The following TMCO5A variants were observed in gnomAD, a reference collection of about 807,000 sequenced individuals.
The protein encoded by TMCO5A is transmembrane and coiled-coil domain-containing protein 5A.
In TMCO5A, 34 loss-of-function variants were observed where a neutral mutation model predicts 42.3. The ratio of observed to expected loss-of-function variants is 0.80; its 90% CI spans 0.61 to 1.07. TMCO5A has a LOEUF of 1.07. TMCO5A is among the 50% of genes least tolerant of loss of function. The pLI, the probability that TMCO5A is intolerant of heterozygous loss-of-function variation, is 0.00. For missense variants in TMCO5A, 357 were observed against 327.9 expected (o/e 1.09, Z -0.69); for synonymous variants, 131 against 115.6 (o/e 1.13, Z -0.86).
the TMCO5A span, among the ~76,000 whole-genome samples, chr15:38,001,918 T>G: frequency 6.6e-6 from 1 of 152,154 alleles, no homozygotes; most frequent in East Asian, 1.9e-4. Flanking sequence ...TAGGTTCATC[T>G]TTTAGTCTTT....
chr15:37,962,373 T>C (rs1282268860), intron 11 of TMCO5A, among the ~76,000 whole-genome samples: 2 of 152,184 alleles, frequency 1.3e-5, no homozygotes, highest in African/African-American at 4.8e-5. Context: ...CATCTCTGCA[T>C]CCCTGGTATG....
At chr15:37,954,095 AAG>A (rs924079903), downstream of TMCO5A, among the ~76,000 whole-genome samples, 53 of 152,256 alleles carry the variant, frequency 3.5e-4, no homozygotes, top group Admixed American at 1.8e-3. Flanking sequence ...GAAAAAATCT[AAG>A]AGTTACTGGC....
chr15:37,971,607 T>C (rs774304811), downstream of TMCO5A, among the ~76,000 whole-genome samples: 19 of 152,356 alleles, frequency 1.2e-4, no homozygotes, highest in Non-Finnish European at 2.5e-4. Flanking sequence ...TCCAAACTTT[T>C]ATGCTGTTTC....
chr15:37,937,371 A>T lies in TMCO5A; in HGVS notation c.290A>T (p.His97Leu). ...GAAAGGAAGAATAAGACGTTGGTCC[A>T]CAGTATAACAGAACTTCAACAAAAG... ...RLERKNKTLV[H>L]SITELQQKLT... The change falls in exon 5 of 12, where the codon CAC (histidine) becomes CTC (leucine). Residue 97 changes from histidine to leucine, a missense_variant. Coordinates refer to ENST00000319669, the MANE Select transcript of TMCO5A (RefSeq NM_152453.4). 1 of 1,613,176 alleles carries T rather than the reference A, an allele frequency of 6.2e-7. No individual in the cohort carries two copies. Among genetic ancestry groups the T allele is most frequent in the Non-Finnish European group, 8.5e-7 (1 of 1,179,386 alleles).
In TMCO5A at chr15:37,958,983, G is replaced by A. The variant is rs146116334; in HGVS notation, c.669-7642G>A. Among the ~76,000 whole-genome samples, 75 of 152,098 alleles carry A rather than the reference G, an allele frequency of 4.9e-4. 1 individual carries two copies. Among genetic ancestry groups the A allele is most frequent in the South Asian group, 4.1e-4 (2 of 4,820 alleles). On this transcript the variant is annotated intron_variant, in intron 11 of 11. Transcript: ENST00000559502. ...TGTACTTTGCAGGGCCATGGATGAA[G>A]CTGGAAACCATCATTCTCAGCAAAC...
At chr15:37,994,916 C>G in the TMCO5A span, among the ~76,000 whole-genome samples, 1 of 152,154 alleles carries the variant, frequency 6.6e-6, no homozygotes, top group Non-Finnish European at 1.5e-5. Context: ...GTCAGCACCT[C>G]TTGATTTGGT....
At chr15:37,966,565 T>C in intron 11 of TMCO5A, 1 of 702,830 alleles carries the variant, frequency 1.4e-6, no homozygotes, top group Non-Finnish European at 2.6e-6. Flanking sequence ...TAGGCAAGGC[T>C]ACAGCAAGAA....
the TMCO5A span, among the ~76,000 whole-genome samples, chr15:37,978,367 C>G: frequency 1.2e-4 from 19 of 152,188 alleles, no homozygotes; most frequent in Non-Finnish European, 1.2e-4. Context: ...ACTCAGAGCT[C>G]GGTCCTAGGG....
chr15:37,944,760 T>G (rs1320310913), intron 10 of TMCO5A, among the ~76,000 whole-genome samples: 1 of 152,064 alleles, frequency 6.6e-6, no homozygotes, highest in African/African-American at 2.4e-5. Context: ...TCATAATTCC[T>G]CTTTTTATCT....
intron 2 of TMCO5A, among the ~76,000 whole-genome samples, chr15:37,935,566 A>G (rs907954581): frequency 1.3e-5 from 2 of 152,156 alleles, no homozygotes; most frequent in African/African-American, 4.8e-5. Flanking sequence ...TCACTGTGCT[A>G]ATAGTGGTTA....
Position 37,951,221 on chromosome 15 carries a change from T to A in TMCO5A, c.854T>A (p.Met285Lys). The change falls in exon 12 of 12, where the codon ATG becomes AAG. Residue 285 changes from methionine to lysine, a missense_variant. Met to Lys is a moderately conservative substitution (Grantham distance 95, BLOSUM62 -1). Coordinates refer to ENST00000319669, the MANE Select transcript of TMCO5A (RefSeq NM_152453.4). Reference protein sequence around the residue: ...FPSLTLETEDMLPH With the variant: ...FPSLTLETEDKLPH ...TCTCTCACACTTGAGACAGAGGACA[T>A]GTTACCCCACTGATTCCCTAAGAAA... 1 of 1,613,630 alleles carries A rather than the reference T, an allele frequency of 6.2e-7. No homozygotes were observed. Among genetic ancestry groups the A allele is most frequent in the Non-Finnish European group, 8.5e-7 (1 of 1,179,762 alleles).
chr15:37,944,629 C>A (rs73388242), intron 10 of TMCO5A, among the ~76,000 whole-genome samples: 1,793 of 152,116 alleles, frequency 0.012, 39 homozygotes, highest in African/African-American at 0.04. Context: ...AAGATGAAGT[C>A]TCACTATGTT....
chr15:37,990,486 A>G, the TMCO5A span, among the ~76,000 whole-genome samples: 1 of 152,026 alleles, frequency 6.6e-6, no homozygotes, highest in East Asian at 1.9e-4. Flanking sequence ...TTTACTGTTA[A>G]CCTATTCATA....
At chr15:37,949,098 T>A (rs981851477) in intron 11 of TMCO5A, among the ~76,000 whole-genome samples, 1 of 151,870 alleles carries the variant, frequency 6.6e-6, no homozygotes, top group Non-Finnish European at 1.5e-5. Context: ...GGTTTCCTCA[T>A]GCAATTCATA....
the TMCO5A span, among the ~76,000 whole-genome samples, chr15:38,006,845 T>G: frequency 6.6e-6 from 1 of 151,104 alleles, no homozygotes; most frequent in Non-Finnish European, 1.5e-5. Flanking sequence ...ATATTTATAT[T>G]ATTTTAATAT....
chr15:37,978,446 G>A, the TMCO5A span, among the ~76,000 whole-genome samples: 2 of 152,176 alleles, frequency 1.3e-5, no homozygotes, highest in African/African-American at 4.8e-5. Context: ...GCCCTCAGCC[G>A]AGGACCCTGC....
At chr15:37,947,355 G>A (rs1280870899) in intron 10 of TMCO5A, among the ~76,000 whole-genome samples, 1 of 152,066 alleles carries the variant, frequency 6.6e-6, no homozygotes, top group Non-Finnish European at 1.5e-5. Context: ...AGAATGTGGA[G>A]TCAGAGTATC....
At chr15:38,022,549 T>G in the TMCO5A span, among the ~76,000 whole-genome samples, 1 of 152,172 alleles carries the variant, frequency 6.6e-6, no homozygotes, top group African/African-American at 2.4e-5. Context: ...CTGAAAATAC[T>G]CTATATGATA....
At chr15:38,036,672 A>G in the TMCO5A span, among the ~76,000 whole-genome samples, 2 of 152,130 alleles carry the variant, frequency 1.3e-5, no homozygotes, top group Non-Finnish European at 2.9e-5. Context: ...ATACCTAAAC[A>G]ATCTGATAAA....
Sources: gnomAD v4.1 joint callset for allele counts (sites outside exome capture counted in the v4.1 genomes callset) on GRCh38, gnomAD v4.1.1 for gene constraint, MANE v1.5 for transcripts, NCBI Gene and HGNC (gene_info 2026-07-23, HGNC 2026-07-21) for gene names.